TNIK: variants seen among roughly 807,000 people sequenced by gnomAD.
TNIK encodes TRAF2 and NCK-interacting protein kinase.
In TNIK, 49 loss-of-function variants were observed where a neutral mutation model predicts 191.3. That is an observed-to-expected ratio of 0.26 (90% CI 0.20 to 0.32). TNIK has a LOEUF of 0.32. Ranked by LOEUF, TNIK falls within the 10% of genes least tolerant of loss-of-function variation. The pLI, the probability that TNIK is intolerant of heterozygous loss-of-function variation, is 1.00. For synonymous variants in TNIK, 594 were observed against 600.9 expected (o/e 0.99, Z 0.17); for missense variants, 1,155 against 1,702.3 (o/e 0.68, Z 5.66).
rs1028993360 is a variant in TNIK, at chr3:171,153,787, G to A, written c.1221+3673C>T. Among the ~76,000 whole-genome samples, 4 of 152,074 alleles carry A rather than the reference G, an allele frequency of 2.6e-5. No homozygotes were observed. The East Asian group carries it at 5.8e-4, about 22-fold the overall frequency. On this transcript the variant is annotated intron_variant, in intron 12 of 32. Transcript: ENST00000436636. ...TGGCTTCCCTGCCTGGTATCTCTCC[G>A]TGCCCCACTCCCTCCTGTAGCGGGA...
intron 2 of TNIK, among the ~76,000 whole-genome samples, chr3:171,286,014 C>T (rs1210235864): frequency 6.6e-6 from 1 of 152,144 alleles, no homozygotes; most frequent in Non-Finnish European, 1.5e-5. Context: ...CCTATCTTAG[C>T]ATTCTTGGGA....
intron 18 of TNIK, 53 bp downstream of exon 18, chr3:171,123,543 G>T (rs1238805671): frequency 9.2e-6 from 13 of 1,412,872 alleles, no homozygotes; most frequent in South Asian, 4.2e-5. Flanking sequence ...AAGCAATAAT[G>T]ACAATGGTGG....
chr3:171,318,918 G>A (rs1754910508), intron 2 of TNIK, among the ~76,000 whole-genome samples: 1 of 152,014 alleles, frequency 6.6e-6, no homozygotes, highest in African/African-American at 2.4e-5. Context: ...TAATCCCAGT[G>A]CTTTGAGAGG....
chr3:171,318,660 T>C (rs1457006183), intron 2 of TNIK, among the ~76,000 whole-genome samples: 4 of 152,166 alleles, frequency 2.6e-5, no homozygotes, highest in African/African-American at 9.7e-5. Context: ...ATTTTATCCT[T>C]TTGCCAAGAT....
At chr3:171,099,277 C>A (rs1367900206) in intron 22 of TNIK, among the ~76,000 whole-genome samples, 2 of 152,092 alleles carry the variant, frequency 1.3e-5, no homozygotes, top group Admixed American at 6.5e-5. Flanking sequence ...AGTCCAGACT[C>A]CCCTCCACCG....
intron 2 of TNIK, among the ~76,000 whole-genome samples, chr3:171,362,667 A>T (rs1238237880): frequency 4.6e-5 from 7 of 152,268 alleles, no homozygotes; most frequent in African/African-American, 1.7e-4. Context: ...TCCACATATT[A>T]ATGTTTTATA....
intron 1 of TNIK, among the ~76,000 whole-genome samples, chr3:171,400,515 G>A (rs1720792441): frequency 6.6e-6 from 1 of 151,640 alleles, no homozygotes; most frequent in Non-Finnish European, 1.5e-5. Flanking sequence ...GCTGCAGTGA[G>A]CCATATTGCA....
chr3:171,073,563 TAAAC>T (rs1719493399), intron 28 of TNIK, among the ~76,000 whole-genome samples: 1 of 151,998 alleles, frequency 6.6e-6, no homozygotes, highest in East Asian at 1.9e-4. Flanking sequence ...TGTGGCAAAA[TAAAC>T]AATCAACAGA....
chr3:171,328,610 CT>C (rs776193088), intron 2 of TNIK, among the ~76,000 whole-genome samples: 1 of 152,182 alleles, frequency 6.6e-6, no homozygotes, highest in Non-Finnish European at 1.5e-5. Flanking sequence ...TTAAAAGCTT[CT>C]CTTTTAAGAT....
chr3:171,063,713 C>A lies in TNIK; in HGVS notation c.*168G>T. The A allele has an allele frequency of 1.8e-6, 1 of 565,660 alleles. No homozygotes were observed. 35.0% of individuals were successfully genotyped at this position (565,660 alleles called of 1,614,324 possible). On this transcript the variant is annotated 3_prime_UTR_variant, in exon 33 of 33. Transcript: ENST00000436636. The stretch of plus-strand genomic sequence containing the variant: ...TCTCTCCTTCTCAACCAGGCTGCAA[C>A]ATTGAAAGATGGACTGTACTGGGAG...
chr3:171,157,736 G>A, intron 11 of TNIK, 72 bp from the exon 12 acceptor site: 1 of 1,453,210 alleles, frequency 6.9e-7, no homozygotes, highest in Non-Finnish European at 9.4e-7. Flanking sequence ...CCTTGGAGGA[G>A]GAAAGCGGGA....
intron 21 of TNIK, among the ~76,000 whole-genome samples, chr3:171,105,070 C>T (rs542526896): frequency 3.3e-5 from 5 of 149,730 alleles, no homozygotes; most frequent in Admixed American, 3.3e-4. Context: ...ATGTACACTC[C>T]CCCAAATTAA....
At chr3:171,081,836 T>C (rs890285394) in intron 27 of TNIK, among the ~76,000 whole-genome samples, 6 of 152,038 alleles carry the variant, frequency 3.9e-5, no homozygotes, top group Non-Finnish European at 5.9e-5. Flanking sequence ...ATCAGTGGGC[T>C]ATAAGCAAGA....
At chr3:171,398,252 C>A (rs991186511) in intron 1 of TNIK, among the ~76,000 whole-genome samples, 1 of 152,196 alleles carries the variant, frequency 6.6e-6, no homozygotes, top group Non-Finnish European at 1.5e-5. Context: ...TTCACAACTG[C>A]AAGTTTCCAC....
At chr3:171,352,615 T>C (rs551777028) in intron 2 of TNIK, among the ~76,000 whole-genome samples, 3 of 152,328 alleles carry the variant, frequency 2.0e-5, no homozygotes, top group African/African-American at 4.8e-5. Flanking sequence ...ACCAAGTACA[T>C]GCAGGAACCC....
intron 2 of TNIK, among the ~76,000 whole-genome samples, chr3:171,324,948 A>G (rs932045572): frequency 4.0e-5 from 6 of 151,892 alleles, no homozygotes; most frequent in Non-Finnish European, 7.4e-5. Context: ...AAAAATACAA[A>G]CAATTAGCTG....
chr3:171,317,726 AT>A (rs1254760003), intron 2 of TNIK, among the ~76,000 whole-genome samples: 3 of 152,148 alleles, frequency 2.0e-5, no homozygotes, highest in Non-Finnish European at 2.9e-5. Flanking sequence ...TCACTTTGTT[AT>A]TTAGGTTATA....
chr3:171,447,214 T>TAAAC (rs987335112), intron 1 of TNIK, among the ~76,000 whole-genome samples: 1 of 147,352 alleles, frequency 6.8e-6, no homozygotes, highest in African/African-American at 2.5e-5. Context: ...AATAAATAAA[T>TAAAC]AAACAAACAA....
At chr3:171,426,501 A>C (rs570117153) in intron 1 of TNIK, among the ~76,000 whole-genome samples, 11 of 152,112 alleles carry the variant, frequency 7.2e-5, no homozygotes, top group South Asian at 2.1e-4. Flanking sequence ...ACATGTATAC[A>C]TATGTAACAA....
Sources: allele counts gnomAD v4.1 joint callset (sites outside exome capture counted in the v4.1 genomes callset), GRCh38; gene constraint gnomAD v4.1.1; transcripts MANE v1.5; gene names NCBI Gene and HGNC (gene_info 2026-07-23, HGNC 2026-07-21).